Variants in CACNA2D3 observed in about 807,000 individuals in gnomAD.
CACNA2D3 encodes the protein calcium voltage-gated channel auxiliary subunit alpha2delta 3, also known as voltage-dependent calcium channel subunit alpha-2/delta-3.
A neutral mutation model predicts 160.6 loss-of-function variants in CACNA2D3; 60 were observed. The ratio of observed to expected loss-of-function variants is 0.37; its 90% CI spans 0.30 to 0.46. CACNA2D3 has a LOEUF of 0.46. Ranked by LOEUF, CACNA2D3 falls within the 20% of genes least tolerant of loss-of-function variation. The pLI is 1.00. For synonymous variants in CACNA2D3, 558 were observed against 492.9 expected, an observed-to-expected ratio of 1.13 and a Z score of -1.75; for missense variants, 1,205 against 1,365.0, an observed-to-expected ratio of 0.88 and a Z score of 1.85.
chr3:54,330,429 G>A (rs1048869147), intron 3 of CACNA2D3, among the ~76,000 whole-genome samples: 1 of 152,074 alleles, frequency 6.6e-6, no homozygotes, highest in African/African-American at 2.4e-5. Context: ...CCAGGGTCAC[G>A]GTTGGAGTTG....
intron 5 of CACNA2D3, among the ~76,000 whole-genome samples, chr3:54,540,943 G>A (rs1253692011): frequency 2.0e-5 from 3 of 152,120 alleles, no homozygotes; most frequent in Non-Finnish European, 4.4e-5. Flanking sequence ...AAGTCATACT[G>A]GATTTAGAGT....
intron 27 of CACNA2D3, among the ~76,000 whole-genome samples, chr3:54,929,439 G>T (rs886685637): frequency 2.6e-5 from 4 of 152,190 alleles, no homozygotes; most frequent in South Asian, 2.1e-4. Flanking sequence ...CACTCTGCAG[G>T]TACAAAGGGA....
At chr3:54,899,064 A>C (rs935025407) in intron 26 of CACNA2D3, among the ~76,000 whole-genome samples, 3 of 152,164 alleles carry the variant, frequency 2.0e-5, no homozygotes, top group Admixed American at 2.0e-4. Flanking sequence ...TTCTCAATTC[A>C]ATTGGATTTC....
intron 2 of CACNA2D3, among the ~76,000 whole-genome samples, chr3:54,260,262 A>G (rs1277815976): frequency 1.3e-5 from 2 of 152,192 alleles, no homozygotes; most frequent in Non-Finnish European, 2.9e-5. Context: ...TCAAGGCCCC[A>G]AGGATGTGTC....
At chr3:54,410,222 C>T (rs997939627) in intron 4 of CACNA2D3, among the ~76,000 whole-genome samples, 1 of 152,040 alleles carries the variant, frequency 6.6e-6, no homozygotes, top group African/African-American at 2.4e-5. Context: ...GGCGTGGTGG[C>T]TTGCATGTGT....
chr3:54,505,676 A>G (rs564080846), intron 5 of CACNA2D3, among the ~76,000 whole-genome samples: 2 of 152,338 alleles, frequency 1.3e-5, no homozygotes, highest in East Asian at 3.9e-4. Context: ...AAAAATTAAC[A>G]TGATTTTACA....
intron 5 of CACNA2D3, among the ~76,000 whole-genome samples, chr3:54,534,994 C>G (rs1267133641): frequency 1.3e-5 from 2 of 152,204 alleles, no homozygotes; most frequent in Non-Finnish European, 2.9e-5. Context: ...TCTTCTCTGA[C>G]TTTATTTTTT....
intron 28 of CACNA2D3, among the ~76,000 whole-genome samples, chr3:54,968,985 T>C (rs1702215567): frequency 6.6e-6 from 1 of 152,210 alleles, no homozygotes; most frequent in Admixed American, 6.5e-5. Flanking sequence ...CTATGCTCTC[T>C]GTACTAAGTC....
At chr3:54,598,304 T>A (rs1702995368) in intron 9 of CACNA2D3, among the ~76,000 whole-genome samples, 2 of 11,108 alleles carry the variant, frequency 1.8e-4, no homozygotes. Flanking sequence ...AGACTCCGTC[T>A]CACAAAAAAA....
intron 6 of CACNA2D3, among the ~76,000 whole-genome samples, chr3:54,566,999 A>G (rs1009991791): frequency 6.6e-6 from 1 of 152,198 alleles, no homozygotes; most frequent in African/African-American, 2.4e-5. Context: ...GGAGAGTATG[A>G]TTGATATTAG....
intron 11 of CACNA2D3, among the ~76,000 whole-genome samples, chr3:54,746,022 C>T (rs565414610): frequency 1.3e-5 from 2 of 152,252 alleles, no homozygotes; most frequent in South Asian, 2.1e-4. Flanking sequence ...CCATGGTTGC[C>T]TTTCTCTTCC....
chr3:54,454,478 CATA>C (rs1264551022), intron 4 of CACNA2D3, among the ~76,000 whole-genome samples: 5 of 152,034 alleles, frequency 3.3e-5, no homozygotes, highest in African/African-American at 7.3e-5. Flanking sequence ...ATAATTGACA[CATA>C]ATAATTGTAC....
intron 9 of CACNA2D3, among the ~76,000 whole-genome samples, chr3:54,593,984 T>A (rs969174383): frequency 6.6e-6 from 1 of 152,184 alleles, no homozygotes; most frequent in African/African-American, 2.4e-5. Context: ...TATATTTTTA[T>A]CAATTTGATG....
At chr3:54,523,598 T>A (rs1447409720) in intron 5 of CACNA2D3, among the ~76,000 whole-genome samples, 1 of 152,156 alleles carries the variant, frequency 6.6e-6, no homozygotes, top group South Asian at 2.1e-4. Context: ...TCGTGAAGAA[T>A]TGGTATTCTT....
At chr3:54,325,215 T>TA (rs1347613522) in intron 3 of CACNA2D3, among the ~76,000 whole-genome samples, 6 of 152,188 alleles carry the variant, frequency 3.9e-5, no homozygotes, top group African/African-American at 7.2e-5. Flanking sequence ...AGTAACTGCG[T>TA]AACCACGGAC....
At chr3:54,550,111 G>T (rs1001554018) in intron 5 of CACNA2D3, among the ~76,000 whole-genome samples, 1 of 152,108 alleles carries the variant, frequency 6.6e-6, no homozygotes, top group African/African-American at 2.4e-5. Flanking sequence ...ATAGGACAAG[G>T]CTTCAAATCC....
chr3:54,400,723 G>A (rs1052481114), intron 4 of CACNA2D3, among the ~76,000 whole-genome samples: 4 of 152,106 alleles, frequency 2.6e-5, no homozygotes. Context: ...AATTGGCACA[G>A]TAAGACCCAT....
At chr3:54,864,182 GA>G (rs1482531921) in intron 17 of CACNA2D3, among the ~76,000 whole-genome samples, 3 of 152,136 alleles carry the variant, frequency 2.0e-5, no homozygotes, top group Admixed American at 6.5e-5. Context: ...GAGGCCCTGA[GA>G]TGGATATTGG....
At chr3:55,036,814 C>A (rs924283475) in intron 35 of CACNA2D3, among the ~76,000 whole-genome samples, 1 of 152,172 alleles carries the variant, frequency 6.6e-6, no homozygotes, top group Non-Finnish European at 1.5e-5. Context: ...TTTGACTTTT[C>A]ACTTTAAAAA....
Sources: allele counts gnomAD v4.1 joint callset (sites outside exome capture counted in the v4.1 genomes callset), GRCh38; gene constraint gnomAD v4.1.1; transcripts MANE v1.5; gene names NCBI Gene and HGNC (gene_info 2026-07-23, HGNC 2026-07-21).